Variants in LEMD3 observed in about 807,000 individuals in gnomAD.
LEMD3 encodes LEM domain containing 3.
A neutral mutation model predicts 95.2 loss-of-function variants in LEMD3; 33 were observed. That is an observed-to-expected ratio of 0.35 (90% CI 0.26 to 0.46). The LOEUF (loss-of-function observed/expected upper bound fraction) is 0.46, where lower values mean the gene tolerates loss of function less well. Ranked by LOEUF, LEMD3 falls within the 20% of genes least tolerant of loss-of-function variation. The pLI is 1.00. For missense variants in LEMD3, 1,210 were observed against 1,192.8 expected, an observed-to-expected ratio of 1.01 and a Z score of -0.21; for synonymous variants, 525 against 474.6, an observed-to-expected ratio of 1.11 and a Z score of -1.38.
In LEMD3 at chr12:65,170,075, A is replaced by G; in HGVS notation, c.479A>G (p.Lys160Arg). Residue 160 changes from lysine (K) to arginine (R), a missense_variant, in exon 1 of 13, where the codon AAA becomes AGA. Coordinates refer to ENST00000308330, the MANE Select transcript of LEMD3 (RefSeq NM_014319.5). ...GACCAGGCCGGCGGCGGCGGGAGGA[A>G]AGACCGGGCTTCGCTCCAGTACCGC... ...PRDQAGGGGRKDRASLQYRGL... is the reference protein window; with the variant it reads ...PRDQAGGGGRRDRASLQYRGL... 6.8e-7 allele frequency: 1 copy of G among 1,480,608 alleles called. No homozygotes were observed. 91.7% of individuals were successfully genotyped at this position (1,480,608 alleles called of 1,614,324 possible).
At chr12:65,205,821 G>A (rs1034620302) in intron 1 of LEMD3, among the ~76,000 whole-genome samples, 2 of 152,134 alleles carry the variant, frequency 1.3e-5, no homozygotes, top group African/African-American at 4.8e-5. Flanking sequence ...CCTTAGGCAA[G>A]TTGTATGGAA....
chr12:65,216,193 A>C lies in LEMD3; in HGVS notation c.1627+150A>C, dbSNP rs146241748. ...CATTACCTATACAGAGTGATTTTTG[A>C]TTTTTACATATGTATTTAATGAAGG... On this transcript the variant is annotated intron_variant, in intron 3 of 12. Coordinates refer to ENST00000308330, the MANE Select transcript of LEMD3 (RefSeq NM_014319.5). The C allele has an allele frequency of 2.4e-4, 128 of 534,660 alleles. No homozygotes were observed. In the East Asian group the frequency reaches 3.3e-3, roughly 14 times the overall value. The allele number at this position is 534,660 out of a possible 1,614,324, so 33.1% of individuals were successfully genotyped here. A position where few individuals can be genotyped will look rare whatever the true frequency, so the allele number is the denominator to read the frequency against.
chr12:65,208,551 A>G (rs528059287), intron 1 of LEMD3, among the ~76,000 whole-genome samples: 4 of 152,222 alleles, frequency 2.6e-5, no homozygotes, highest in Non-Finnish European at 5.9e-5. Context: ...ATTAAAGACT[A>G]GGTAATTTGG....
intron 1 of LEMD3, among the ~76,000 whole-genome samples, chr12:65,195,704 G>A (rs1869408664): frequency 6.6e-6 from 1 of 152,088 alleles, no homozygotes; most frequent in Non-Finnish European, 1.5e-5. Flanking sequence ...AAGATGGCCA[G>A]GAAAAGCTTC....
At chr12:65,239,418 C>T (rs1009840574) in intron 6 of LEMD3, among the ~76,000 whole-genome samples, 1 of 151,968 alleles carries the variant, frequency 6.6e-6, no homozygotes, top group East Asian at 1.9e-4. Flanking sequence ...CATAGTGGCA[C>T]GTGCCTGTAG....
At chr12:65,177,791 A>G (rs1868771163) in intron 1 of LEMD3, among the ~76,000 whole-genome samples, 1 of 152,102 alleles carries the variant, frequency 6.6e-6, no homozygotes. Flanking sequence ...TTGGTATCTA[A>G]AATGAATATG....
At chr12:65,229,668 T>G (rs567289471) in intron 4 of LEMD3, among the ~76,000 whole-genome samples, 1 of 152,164 alleles carries the variant, frequency 6.6e-6, no homozygotes, top group Admixed American at 6.6e-5. Flanking sequence ...CTGTTGGTTG[T>G]TTGTATGTCT....
At chr12:65,211,304 G>A (rs549132497) in intron 2 of LEMD3, among the ~76,000 whole-genome samples, 272 of 152,214 alleles carry the variant, frequency 1.8e-3, no homozygotes, top group Non-Finnish European at 3.0e-3. Flanking sequence ...TATGCCTGTT[G>A]CCTGTAGTTG....
intron 1 of LEMD3, among the ~76,000 whole-genome samples, chr12:65,201,682 G>T (rs1869604638): frequency 6.6e-6 from 1 of 151,770 alleles, no homozygotes; most frequent in Non-Finnish European, 1.5e-5. Context: ...AGTTTTTTTT[G>T]ATCAGTTCTT....
chr12:65,190,684 A>G (rs953198951), intron 1 of LEMD3, among the ~76,000 whole-genome samples: 13 of 152,178 alleles, frequency 8.5e-5, no homozygotes, highest in African/African-American at 3.1e-4. Flanking sequence ...CCCAAACACC[A>G]TAGGCACATG....
rs1465111668 is a variant in LEMD3 at position 65,240,901 on chromosome 12, CAT to C, written c.2127-7_2127-6del. 4.3e-6 allele frequency: 7 copies of C among 1,613,368 alleles called. No homozygotes were observed. Among genetic ancestry groups the C allele is most frequent in the South Asian group, 3.3e-5 (3 of 91,062 alleles). The stretch of plus-strand genomic sequence containing the variant: ...GATAGTAAATTTGCCATTTTGTTCA[CAT>C]GATAGGAAAAAAATGAAGAAAGTCT... On this transcript the variant is annotated splice_region_variant and splice_polypyrimidine_tract_variant and intron_variant, in intron 8 of 12. Transcript: ENST00000308330.
intron 1 of LEMD3, among the ~76,000 whole-genome samples, chr12:65,208,002 T>C (rs1034340209): frequency 1.3e-5 from 2 of 152,080 alleles, no homozygotes; most frequent in Admixed American, 6.6e-5. Context: ...TTATAAGAAA[T>C]TATCACAAGA....
chr12:65,226,437 G>A (rs1041753320), intron 4 of LEMD3, among the ~76,000 whole-genome samples: 3 of 151,986 alleles, frequency 2.0e-5, no homozygotes, highest in South Asian at 2.1e-4. Flanking sequence ...TTGTTGAATC[G>A]GTGTCTCATT....
chr12:65,175,128 G>A (rs754604028), intron 1 of LEMD3, among the ~76,000 whole-genome samples: 19 of 152,152 alleles, frequency 1.2e-4, no homozygotes, highest in Admixed American at 1.3e-4. Flanking sequence ...TGAAGTTAAA[G>A]GTAGGTATGG....
chr12:65,207,140 A>G (rs988349957), intron 1 of LEMD3, among the ~76,000 whole-genome samples: 1 of 152,168 alleles, frequency 6.6e-6, no homozygotes, highest in African/African-American at 2.4e-5. Context: ...TGGCAGCAGC[A>G]TTATTCCTGG....
At chr12:65,215,898 T>TG (rs1870092751) in intron 2 of LEMD3, 79 bp from the exon 3 acceptor site, 7 of 578,686 alleles carry the variant, frequency 1.2e-5, no homozygotes, top group South Asian at 2.4e-5. Flanking sequence ...ATTTACTGTT[T>TG]TTTTTTTTTT....
At chr12:65,182,091 C>G (rs1465282067) in intron 1 of LEMD3, among the ~76,000 whole-genome samples, 3 of 152,072 alleles carry the variant, frequency 2.0e-5, no homozygotes, top group African/African-American at 7.2e-5. Flanking sequence ...AGTGATTTGT[C>G]CAAGGTCCCA....
intron 1 of LEMD3, among the ~76,000 whole-genome samples, chr12:65,199,785 C>A (rs1278256857): frequency 6.6e-6 from 1 of 151,868 alleles, no homozygotes; most frequent in Non-Finnish European, 1.5e-5. Context: ...TGAGTAAATA[C>A]CAAAGAGCAT....
chr12:65,186,520 A>G (rs1869068796), intron 1 of LEMD3, among the ~76,000 whole-genome samples: 1 of 151,920 alleles, frequency 6.6e-6, no homozygotes, highest in South Asian at 2.1e-4. Flanking sequence ...GAAATGAGAA[A>G]CTAGGATGAT....
Sources: gnomAD v4.1 joint callset for allele counts (sites outside exome capture counted in the v4.1 genomes callset) on GRCh38, gnomAD v4.1.1 for gene constraint, MANE v1.5 for transcripts, NCBI Gene and HGNC (gene_info 2026-07-23, HGNC 2026-07-21) for gene names.